The following RPS6KA3 variants were observed in gnomAD, a reference collection of about 807,000 sequenced individuals.
RPS6KA3 encodes the protein ribosomal protein S6 kinase alpha-3.
Under a neutral mutation model 67.2 loss-of-function variants are expected in RPS6KA3, and 4 were observed. The observed-to-expected ratio is 0.06, with a 90% CI of 0.03 to 0.14. The LOEUF (loss-of-function observed/expected upper bound fraction) is 0.14, where lower values mean the gene tolerates loss of function less well. Ranked by LOEUF, RPS6KA3 falls within the 10% of genes least tolerant of loss-of-function variation. The probability of loss-of-function intolerance (pLI) is 1.00; values close to 1 mark genes in which losing one functional copy is unlikely to be tolerated. For missense variants in RPS6KA3, 204 were observed against 559.0 expected, an observed-to-expected ratio of 0.36 and a Z score of 6.40; for synonymous variants, 182 against 183.7, an observed-to-expected ratio of 0.99 and a Z score of 0.07.
intron 14 of RPS6KA3, among the ~76,000 whole-genome samples, chrX:20,173,746 C>A (rs1347584059): frequency 2.7e-5 from 3 of 112,396 alleles, no homozygotes; most frequent in African/African-American, 9.7e-5. Context: ...AACATGAGCT[C>A]TGCTTAAAAA....
chrX:20,220,333 T>G (rs1307185418), intron 2 of RPS6KA3, among the ~76,000 whole-genome samples: 1 of 111,902 alleles, frequency 8.9e-6, no homozygotes, highest in Non-Finnish European at 1.9e-5. Flanking sequence ...TGTGCACTCC[T>G]CTTGTTTAAA....
chrX:20,201,399 A>G (rs2068428779), intron 4 of RPS6KA3, among the ~76,000 whole-genome samples: 2 of 111,382 alleles, frequency 1.8e-5, no homozygotes, highest in African/African-American at 6.5e-5. Context: ...TCAGCCTCCC[A>G]AAGTGCTAGG....
At chrX:20,248,062 T>G (rs1001738273) in intron 1 of RPS6KA3, among the ~76,000 whole-genome samples, 1 of 111,881 alleles carries the variant, frequency 8.9e-6, no homozygotes, top group African/African-American at 3.2e-5. Flanking sequence ...AGATCTTTTT[T>G]CCATTACAGT....
At chrX:20,216,750 T>C (rs2068864125) in intron 2 of RPS6KA3, among the ~76,000 whole-genome samples, 1 of 110,853 alleles carries the variant, frequency 9.0e-6, no homozygotes, top group African/African-American at 3.3e-5. Context: ...ACCTGGACAC[T>C]AGAGTTTAAA....
chrX:20,250,434 A>G (rs2069832487), intron 1 of RPS6KA3, among the ~76,000 whole-genome samples: 2 of 111,528 alleles, frequency 1.8e-5, no homozygotes, highest in African/African-American at 6.5e-5. Flanking sequence ...GCCTCAAGTG[A>G]TCCTCCCACC....
intron 1 of RPS6KA3, among the ~76,000 whole-genome samples, chrX:20,257,183 A>T: frequency 8.9e-6 from 1 of 111,831 alleles, no homozygotes; most frequent in South Asian, 3.7e-4. Context: ...CAAGGGGGGC[A>T]CTCAATAGAC....
intron 2 of RPS6KA3, among the ~76,000 whole-genome samples, chrX:20,220,426 A>G (rs1297000744): frequency 9.0e-6 from 1 of 111,310 alleles, no homozygotes; most frequent in East Asian, 2.8e-4. Flanking sequence ...ACTCCTTACA[A>G]TGGAGCTCCA....
At chrX:20,230,966 C>CT (rs1013913580) in intron 2 of RPS6KA3, among the ~76,000 whole-genome samples, 20 of 106,975 alleles carry the variant, frequency 1.9e-4, no homozygotes, top group South Asian at 7.9e-4. Flanking sequence ...AAAACTATAA[C>CT]TTTTTTTTTT....
rs2067082530 is a variant in RPS6KA3, at chrX:20,150,314, A to G, written c.*5084T>C. ...TATTTGTGATTTTTTTCTTTTTTAA[A>G]AACTATTTAAGTAGGCACCCACCCC... On this transcript the variant is annotated 3_prime_UTR_variant, in exon 22 of 22. Transcript: ENST00000379565. 8.9e-6 allele frequency: 1 copy of G among 112,750 alleles called. No homozygotes were observed. The allele number at this position is 112,750 out of a possible 1,213,427, so 9.3% of individuals were successfully genotyped here.
intron 1 of RPS6KA3, among the ~76,000 whole-genome samples, chrX:20,259,179 C>T (rs1265512837): frequency 9.0e-6 from 1 of 111,585 alleles, no homozygotes; most frequent in Non-Finnish European, 1.9e-5. Flanking sequence ...TTTTATATTA[C>T]TAATCCTAGC....
chrX:20,245,755 G>A (rs1051509974), intron 1 of RPS6KA3, among the ~76,000 whole-genome samples: 1 of 111,394 alleles, frequency 9.0e-6, no homozygotes, highest in African/African-American at 3.3e-5. Flanking sequence ...CACTGAATCA[G>A]AATTCCCAGA....
chrX:20,220,798 A>G (rs751782641), intron 2 of RPS6KA3, among the ~76,000 whole-genome samples: 97 of 111,806 alleles, frequency 8.7e-4, no homozygotes, highest in African/African-American at 3.0e-3. Context: ...CTTAATTAAA[A>G]CAGTGTGGTA....
intron 18 of RPS6KA3, among the ~76,000 whole-genome samples, chrX:20,164,402 T>G (rs997532973): frequency 9.4e-6 from 1 of 106,748 alleles, no homozygotes; most frequent in African/African-American, 3.4e-5. Flanking sequence ...TTTTTTTTTT[T>G]TTGAGAGGGG....
chrX:20,155,638 T>C (rs1452403701), intron 21 of RPS6KA3, 118 bp from the exon 22 acceptor site: 2 of 887,247 alleles, frequency 2.3e-6, no homozygotes, highest in African/African-American at 4.0e-5. Flanking sequence ...TGGTTCATAA[T>C]GAAAATAACC....
chrX:20,151,643 A>G lies in RPS6KA3; in HGVS notation c.*3755T>C, dbSNP rs999595731. 2 of 112,099 alleles carry G rather than the reference A, an allele frequency of 1.8e-5. No individual in the cohort carries two copies. The highest frequency in any genetic ancestry group is 3.2e-5 in the African/African-American group (1 of 30,802). 9.2% of individuals were successfully genotyped at this position (112,099 alleles called of 1,213,427 possible). On this transcript the variant is annotated 3_prime_UTR_variant, in exon 22 of 22. Transcript: ENST00000379565. ...CTGAGCTATCTATCCTAATGCCTTC[A>G]TAAGTCTCAATGCTCAATCAACCAT...
At chrX:20,201,575 A>T (rs2068434312) in intron 4 of RPS6KA3, among the ~76,000 whole-genome samples, 1 of 111,255 alleles carries the variant, frequency 9.0e-6, no homozygotes, top group South Asian at 3.7e-4. Context: ...TCAATTCCTA[A>T]CTCCTTCATT....
chrX:20,156,241 C>T lies in RPS6KA3; in HGVS notation c.1968G>A (p.Val656=), dbSNP rs886043470. Residue 656 remains valine, a synonymous_variant, in exon 21 of 22, where the codon GTG becomes GTA. Transcript: ENST00000379565. ...NSVSDTAKDL[V]SKMLHVDPHQ... ...GAGGGTCTACATGAAGCATCTTTGA[C>T]ACCAGGTCCTGTAATGGGAATAATA... The T allele has an allele frequency of 8.3e-7, 1 of 1,210,135 alleles. No homozygotes were observed. The highest frequency in any genetic ancestry group is 1.7e-5 in the African/African-American group (1 of 57,548).
intron 17 of RPS6KA3, among the ~76,000 whole-genome samples, chrX:20,166,603 A>T (rs762811819): frequency 1.1e-4 from 12 of 110,823 alleles, no homozygotes; most frequent in South Asian, 3.8e-4. Flanking sequence ...AAAAATTTTT[A>T]AAAAATTGTT....
intron 10 of RPS6KA3, among the ~76,000 whole-genome samples, chrX:20,177,328 C>T (rs898649566): frequency 8.9e-6 from 1 of 111,770 alleles, no homozygotes; most frequent in Non-Finnish European, 1.9e-5. Context: ...ATTCACATGG[C>T]ACTGGTTTTA....
Sources: allele counts gnomAD v4.1 joint callset (sites outside exome capture counted in the v4.1 genomes callset), GRCh38; gene constraint gnomAD v4.1.1; transcripts MANE v1.5; gene names NCBI Gene and HGNC (gene_info 2026-07-23, HGNC 2026-07-21).